The following CENPK variants were observed in gnomAD, a reference collection of about 807,000 sequenced individuals.
CENPK encodes the protein centromere protein K.
CENPK carries 46 observed loss-of-function variants against 40.9 expected under a neutral mutation model. That is an observed-to-expected ratio of 1.13 (90% confidence interval 0.89 to 1.44). The LOEUF (loss-of-function observed/expected upper bound fraction) is 1.44, where lower values mean the gene tolerates loss of function less well. Ranked by LOEUF, CENPK falls within the 40% of genes most tolerant of loss-of-function variation. CENPK has a pLI of 0.00. For synonymous variants in CENPK, 107 were observed against 104.4 expected, an observed-to-expected ratio of 1.02 and a Z score of -0.15; for missense variants, 288 against 303.5, an observed-to-expected ratio of 0.95 and a Z score of 0.38.
intron 2 of CENPK, among the ~76,000 whole-genome samples, chr5:65,558,010 G>T (rs943429819): frequency 7.9e-5 from 12 of 152,312 alleles, no homozygotes; most frequent in African/African-American, 2.9e-4. Flanking sequence ...GAGCTGAGGT[G>T]AGAGGATCAC....
chr5:65,552,627 A>C, intron 3 of CENPK, 78 bp from the exon 4 acceptor site: 1 of 772,794 alleles, frequency 1.3e-6, no homozygotes, highest in Non-Finnish European at 2.1e-6. Context: ...CTTTTCTACC[A>C]GGCCAATATA....
At chr5:65,526,911 G>A (rs912254331) in intron 9 of CENPK, among the ~76,000 whole-genome samples, 12 of 152,178 alleles carry the variant, frequency 7.9e-5, no homozygotes, top group South Asian at 2.1e-4. Context: ...TGGCCAACAC[G>A]GTGAAACCCT....
intron 1 of CENPK, among the ~76,000 whole-genome samples, chr5:65,562,443 G>T (rs1752169799): frequency 1.3e-5 from 2 of 152,164 alleles, no homozygotes; most frequent in South Asian, 4.1e-4. Context: ...TTCCCTGTAC[G>T]TGGTGCCTAT....
intron 10 of CENPK, 32 bp downstream of exon 10, chr5:65,521,443 T>C (rs1193953843): frequency 6.4e-7 from 1 of 1,571,724 alleles, no homozygotes; most frequent in Admixed American, 1.7e-5. Flanking sequence ...TAAGACAGCT[T>C]CAAGACAAAA....
chr5:65,518,135 T>C lies in CENPK; in HGVS notation c.*340A>G, dbSNP rs138007557. ...GCTGGAACTCAAAATGCATAAAAGATATTGTTATATATTTTAAGAAAATAT... is the reference window on the plus strand; with the variant it reads ...GCTGGAACTCAAAATGCATAAAAGACATTGTTATATATTTTAAGAAAATAT... On this transcript the variant is annotated 3_prime_UTR_variant, in exon 11 of 11. Coordinates refer to ENST00000396679, the MANE Select transcript of CENPK (RefSeq NM_022145.5). 0.019 allele frequency: 2,888 copies of C among 155,700 alleles called. 36 individuals carry two copies. The highest frequency in any genetic ancestry group is 0.028 in the Non-Finnish European group (1,967 of 70,418). 9.6% of individuals were successfully genotyped at this position (155,700 alleles called of 1,614,324 possible).
intron 6 of CENPK, among the ~76,000 whole-genome samples, chr5:65,529,994 G>A (rs910773934): frequency 2.1e-5 from 3 of 144,768 alleles, no homozygotes; most frequent in Admixed American, 7.0e-5. Flanking sequence ...TAGTAGAGAC[G>A]GGGTTTCACC....
rs1467225201 is a variant in CENPK, at chr5:65,537,413, T to C, written c.288+5389A>G. On this transcript the variant is annotated intron_variant, in intron 6 of 10. Transcript: ENST00000396679. ...TCCTCCTCCCGGGTTCACGCCATTC[T>C]CCTGCCTCAGCCTCCCAAGTAGGTG... Among the ~76,000 whole-genome samples, 5 of 152,294 alleles carry C rather than the reference T, an allele frequency of 3.3e-5. No homozygotes were observed. The East Asian group carries it at 9.7e-4, about 29-fold the overall frequency.
chr5:65,543,357 T>C (rs1412953554), intron 5 of CENPK, among the ~76,000 whole-genome samples: 2 of 152,242 alleles, frequency 1.3e-5, no homozygotes, highest in African/African-American at 2.4e-5. Flanking sequence ...TCTTTTCTTC[T>C]TTTGTTCTTC....
intron 5 of CENPK, among the ~76,000 whole-genome samples, chr5:65,549,844 A>G (rs1749658433): frequency 6.6e-6 from 1 of 152,218 alleles, no homozygotes; most frequent in Non-Finnish European, 1.5e-5. Flanking sequence ...TATAACAGCA[A>G]TAAGGCTATT....
At chr5:65,535,235 TGGAA>T (rs978602269) in intron 6 of CENPK, among the ~76,000 whole-genome samples, 1 of 145,770 alleles carries the variant, frequency 6.9e-6, no homozygotes, top group Non-Finnish European at 1.5e-5. Flanking sequence ...CTGTCGAGGA[TGGAA>T]GGGAGGGAGG....
intron 9 of CENPK, among the ~76,000 whole-genome samples, chr5:65,522,161 A>G (rs1012252441): frequency 5.3e-5 from 8 of 152,288 alleles, no homozygotes; most frequent in African/African-American, 1.9e-4. Flanking sequence ...ATCCCCCAAT[A>G]AAAACTCCCC....
intron 3 of CENPK, among the ~76,000 whole-genome samples, chr5:65,554,254 G>T (rs1407757901): frequency 6.6e-6 from 1 of 151,312 alleles, no homozygotes; most frequent in South Asian, 2.1e-4. Context: ...CAATTCTCCT[G>T]TCTCAGCCTG....
the CENPK span, among the ~76,000 whole-genome samples, chr5:65,506,115 G>A: frequency 6.6e-6 from 1 of 152,002 alleles, no homozygotes; most frequent in Non-Finnish European, 1.5e-5. Context: ...CAGGCATGGT[G>A]GCCCACACCT....
the CENPK span, among the ~76,000 whole-genome samples, chr5:65,497,347 C>A: frequency 6.6e-6 from 1 of 151,704 alleles, no homozygotes; most frequent in Non-Finnish European, 1.5e-5. Flanking sequence ...CCAGCCTAAG[C>A]GACAAAGTGG....
the CENPK span, among the ~76,000 whole-genome samples, chr5:65,498,626 T>G: frequency 7.1e-6 from 1 of 140,942 alleles, no homozygotes; most frequent in African/African-American, 2.8e-5. Context: ...TCTTTCTTTT[T>G]CTTTTTTCTT....
At chr5:65,528,847 A>G (rs2150373747) in intron 8 of CENPK, 72 bp downstream of exon 8, 3 of 1,016,262 alleles carry the variant, frequency 3.0e-6, no homozygotes, top group Non-Finnish European at 4.3e-6. Context: ...ATTTAACTTC[A>G]TCTATGTTTC....
intron 2 of CENPK, among the ~76,000 whole-genome samples, chr5:65,560,715 G>T (rs1751815179): frequency 6.6e-6 from 1 of 152,108 alleles, no homozygotes; most frequent in African/African-American, 2.4e-5. Flanking sequence ...TGTAAAATTG[G>T]TAAGAGATAA....
intron 2 of CENPK, among the ~76,000 whole-genome samples, chr5:65,560,323 T>A (rs1041659582): frequency 2.0e-5 from 3 of 151,610 alleles, no homozygotes; most frequent in Non-Finnish European, 4.4e-5. Flanking sequence ...TTAAAAAAAA[T>A]TTAAAAAAGA....
the CENPK span, among the ~76,000 whole-genome samples, chr5:65,500,980 T>G: frequency 6.7e-6 from 1 of 148,794 alleles, no homozygotes; most frequent in African/African-American, 2.5e-5. Flanking sequence ...ATATCTATTG[T>G]TCTAGCTGCA....
Sources: gnomAD v4.1 joint callset for allele counts (sites outside exome capture counted in the v4.1 genomes callset) on GRCh38, gnomAD v4.1.1 for gene constraint, MANE v1.5 for transcripts, NCBI Gene and HGNC (gene_info 2026-07-23, HGNC 2026-07-21) for gene names.